Variants in ANKRA2 observed in about 807,000 individuals in gnomAD.
ANKRA2 encodes the protein ankyrin repeat family A protein 2.
Under a neutral mutation model 37.8 loss-of-function variants are expected in ANKRA2, and 33 were observed. The ratio of observed to expected loss-of-function variants is 0.87; its 90% confidence interval spans 0.66 to 1.17. The LOEUF is 1.17. Ranked by LOEUF, ANKRA2 falls within the 50% of genes most tolerant of loss-of-function variation. ANKRA2 has a pLI of 0.00. For missense variants in ANKRA2, 326 were observed against 373.7 expected (o/e 0.87, Z 1.05); for synonymous variants, 126 against 132.3 (o/e 0.95, Z 0.33).
At chr5:73,556,689 G>A (rs1747403809) in intron 4 of ANKRA2, among the ~76,000 whole-genome samples, 2 of 152,058 alleles carry the variant, frequency 1.3e-5, no homozygotes, top group South Asian at 4.1e-4. Context: ...AAAATGACAA[G>A]CTGGGGAACA....
chr5:73,559,101 T>C (rs926047202), intron 3 of ANKRA2, among the ~76,000 whole-genome samples: 15 of 152,184 alleles, frequency 9.9e-5, no homozygotes, highest in African/African-American at 3.4e-4. Flanking sequence ...GGAAAAGCAA[T>C]TGGTGTCCTA....
intron 1 of ANKRA2, among the ~76,000 whole-genome samples, chr5:73,563,312 A>G (rs1275114700): frequency 1.3e-5 from 2 of 152,244 alleles, no homozygotes; most frequent in African/African-American, 2.4e-5. Context: ...TTAAATTCCA[A>G]TACATTTTAG....
chr5:73,559,151 G>A (rs1747477528), intron 3 of ANKRA2, among the ~76,000 whole-genome samples: 1 of 152,164 alleles, frequency 6.6e-6, no homozygotes, highest in African/African-American at 2.4e-5. Flanking sequence ...GCCTACAGGT[G>A]GGATGAGAGT....
intron 4 of ANKRA2, among the ~76,000 whole-genome samples, chr5:73,556,877 A>G (rs889503477): frequency 2.0e-5 from 3 of 151,890 alleles, no homozygotes; most frequent in African/African-American, 7.2e-5. Context: ...CAAAATTTGG[A>G]ATCTGCTAAT....
At chr5:73,557,450 T>A in intron 4 of ANKRA2, 125 bp downstream of exon 4, 1 of 390,762 alleles carries the variant, frequency 2.6e-6, no homozygotes, top group Non-Finnish European at 4.4e-6. Flanking sequence ...CATTGGGTTA[T>A]CTGCCTGGTG....
intron 1 of ANKRA2, among the ~76,000 whole-genome samples, chr5:73,563,420 T>C (rs1167219864): frequency 6.6e-6 from 1 of 152,228 alleles, no homozygotes; most frequent in African/African-American, 2.4e-5. Context: ...CTAAGGTTAG[T>C]TCTTTAATAT....
intron 6 of ANKRA2, 45 bp downstream of exon 6, chr5:73,554,816 C>A: frequency 1.3e-6 from 2 of 1,584,984 alleles, no homozygotes; most frequent in Non-Finnish European, 1.7e-6. Context: ...CAAATAAATT[C>A]TAAAACTTGC....
intron 3 of ANKRA2, among the ~76,000 whole-genome samples, chr5:73,558,633 C>T (rs1747463441): frequency 6.6e-6 from 1 of 152,214 alleles, no homozygotes; most frequent in African/African-American, 2.4e-5. Context: ...CTTCTGGGCT[C>T]AAGTGATCCT....
rs1747692953 is a variant in ANKRA2 at position 73,565,123 on chromosome 5, A to C, written c.-105+9T>G. The C allele has an allele frequency of 6.6e-6, 1 of 152,104 alleles. No homozygotes were observed. The highest frequency in any genetic ancestry group is 2.4e-5 in the African/African-American group (1 of 41,392). The allele number at this position is 152,104 out of a possible 1,614,324, so 9.4% of individuals were successfully genotyped here. On this transcript the variant is annotated intron_variant, in intron 1 of 8. Coordinates refer to ENST00000296785, the MANE Select transcript of ANKRA2 (RefSeq NM_023039.5). The stretch of plus-strand genomic sequence containing the variant: ...GAGGAAGGTGCTATGAAAATAAATG[A>C]TGCCTCACAGGCGACAGGTGTCCCA...
At chr5:73,555,409 T>C (rs1747371466) in intron 5 of ANKRA2, 79 bp downstream of exon 5, 1 of 1,567,504 alleles carries the variant, frequency 6.4e-7, no homozygotes, top group Non-Finnish European at 8.6e-7. Context: ...TATATCTAGC[T>C]GGCTGGATAT....
intron 6 of ANKRA2, 58 bp downstream of exon 6, chr5:73,554,803 A>C: frequency 6.4e-7 from 1 of 1,572,280 alleles, no homozygotes; most frequent in Non-Finnish European, 8.7e-7. Context: ...ATCTCTCCCA[A>C]ACCAAATAAA....
intron 5 of ANKRA2, 88 bp from the exon 6 acceptor site, chr5:73,555,074 C>G: frequency 1.3e-6 from 2 of 1,530,454 alleles, no homozygotes; most frequent in South Asian, 1.3e-5. Flanking sequence ...TAGTTCAACA[C>G]TAGGCCTGGT....
intron 8 of ANKRA2, among the ~76,000 whole-genome samples, 176 bp from the exon 9 acceptor site, chr5:73,553,028 CT>C (rs946745651): frequency 5.9e-5 from 9 of 152,346 alleles, no homozygotes; most frequent in African/African-American, 2.2e-4. Context: ...GAAACTTAGT[CT>C]GTCACTGAGT....
intron 2 of ANKRA2, 97 bp downstream of exon 2, chr5:73,562,495 TA>T: frequency 1.6e-6 from 2 of 1,226,458 alleles, no homozygotes; most frequent in Non-Finnish European, 2.2e-6. Context: ...AAATGACTTC[TA>T]AACTGTCTTC....
intron 5 of ANKRA2, 187 bp from the exon 6 acceptor site, chr5:73,555,173 C>T: frequency 2.1e-6 from 3 of 1,411,534 alleles, no homozygotes; most frequent in Non-Finnish European, 2.8e-6. Context: ...TTCCTCCGTC[C>T]TGTATCAATC....
intron 4 of ANKRA2, among the ~76,000 whole-genome samples, chr5:73,556,031 A>G (rs1279339936): frequency 1.3e-5 from 2 of 152,236 alleles, no homozygotes; most frequent in African/African-American, 4.8e-5. Flanking sequence ...GATAGCCCTC[A>G]GAATTACAGA....
At chr5:73,559,402 G>C (rs1747485040) in intron 3 of ANKRA2, among the ~76,000 whole-genome samples, 1 of 151,664 alleles carries the variant, frequency 6.6e-6, no homozygotes, top group South Asian at 2.1e-4. Flanking sequence ...ATTTTAAATA[G>C]AAAAACTTCC....
At chr5:73,555,656 GCATTC>G (rs750895695) in intron 4 of ANKRA2, 71 bp from the exon 5 acceptor site, 20 of 1,339,218 alleles carry the variant, frequency 1.5e-5, no homozygotes, top group Non-Finnish European at 2.1e-5. Context: ...TGAAAAACTG[GCATTC>G]CAAAGAGCTG....
Position 73,554,860 on chromosome 5 carries a change from C to A in ANKRA2, c.738+1G>T. ...TTTTAAATTTAGTATTACAAACTTA[C>A]CCAATCATATTCATTTACATCAACT... On this transcript the variant is annotated splice_donor_variant, in intron 6 of 8. Coordinates refer to ENST00000296785, the MANE Select transcript of ANKRA2 (RefSeq NM_023039.5). LOFTEE classifies it high-confidence loss of function. 1 of 1,612,110 alleles carries A rather than the reference C, an allele frequency of 6.2e-7. No homozygotes were observed. Among genetic ancestry groups the A allele is most frequent in the Non-Finnish European group, 8.5e-7 (1 of 1,179,264 alleles).
Sources: gnomAD v4.1 joint callset for allele counts (sites outside exome capture counted in the v4.1 genomes callset) on GRCh38, gnomAD v4.1.1 for gene constraint, MANE v1.5 for transcripts, NCBI Gene and HGNC (gene_info 2026-07-23, HGNC 2026-07-21) for gene names.